CHFR: variants seen among roughly 807,000 people sequenced by gnomAD.
The protein encoded by CHFR is E3 ubiquitin-protein ligase CHFR.
In CHFR, 57 loss-of-function variants were observed where a neutral mutation model predicts 87.6. The ratio of observed to expected loss-of-function variants is 0.65; its 90% CI spans 0.53 to 0.81. The LOEUF is 0.81. CHFR is among the 30% of genes least tolerant of loss of function. CHFR has a pLI of 0.00. For synonymous variants in CHFR, 381 were observed against 359.2 expected, an observed-to-expected ratio of 1.06 and a Z score of -0.69; for missense variants, 797 against 865.8, an observed-to-expected ratio of 0.92 and a Z score of 1.00.
At chr12:132,845,522 C>A (rs981232624) in intron 15 of CHFR, among the ~76,000 whole-genome samples, 3 of 151,950 alleles carry the variant, frequency 2.0e-5, no homozygotes, top group Non-Finnish European at 4.4e-5. Flanking sequence ...TGGTAGCACA[C>A]GCTTGTGGTC....
intron 11 of CHFR, 133 bp downstream of exon 11, chr12:132,853,298 T>C: frequency 1.0e-6 from 1 of 965,284 alleles, no homozygotes; most frequent in Non-Finnish European, 1.4e-6. Flanking sequence ...GGGAGACCAA[T>C]GAGGCCAGGG....
Position 132,832,739 on chromosome 12 carries a change from G to C in CHFR, c.*8815C>G, listed in dbSNP as rs1012921600. The C allele has an allele frequency of 6.6e-6, 1 of 152,190 alleles. No homozygotes were observed. Among genetic ancestry groups the C allele is most frequent in the African/African-American group, 2.4e-5 (1 of 41,436 alleles). 9.4% of individuals were successfully genotyped at this position (152,190 alleles called of 1,614,324 possible). On this transcript the variant is annotated 3_prime_UTR_variant, in exon 18 of 18. Transcript: ENST00000450056. ...CAGTGTGGGAAAAATGCTAATCTAA[G>C]TAAAATTCTTAACAGCTTTAATACA...
At chr12:132,856,892 G>T (rs560248012) in intron 9 of CHFR, among the ~76,000 whole-genome samples, 147 of 149,178 alleles carry the variant, frequency 9.9e-4, no homozygotes, top group Non-Finnish European at 1.2e-4. Context: ...ACTTGCCTGG[G>T]TGCTGGTGGA....
intron 15 of CHFR, among the ~76,000 whole-genome samples, chr12:132,845,031 C>T (rs570979262): frequency 3.3e-5 from 5 of 152,074 alleles, no homozygotes; most frequent in Admixed American, 6.6e-5. Flanking sequence ...CCAAATTGCA[C>T]AGAGGAAAGG....
At chr12:132,872,146 A>C in intron 4 of CHFR, 139 bp downstream of exon 4, 2 of 648,076 alleles carry the variant, frequency 3.1e-6, no homozygotes, top group South Asian at 3.6e-5. Flanking sequence ...CACGGCAGGA[A>C]CCCATGTGAG....
At position 132,856,486 on chromosome 12, in the gene CHFR, C is replaced by T; in HGVS notation, c.1211G>A (p.Ser404Asn). ...GATTTACCTAATGTCTGAGGACTCACTGTCAACGTCTGACAGCTCCAGCAG... is the reference window on the plus strand; with the variant it reads ...GATTTACCTAATGTCTGAGGACTCATTGTCAACGTCTGACAGCTCCAGCAG... ...EDLLELSDVD[S>N]ESSDISQPYV... Residue 404 changes from serine (S) to asparagine (N), a missense_variant, in exon 10 of 18, where the codon AGT becomes AAT. Ser to Asn is a conservative substitution (Grantham distance 46). This residue lies in a region of CHFR where 597 missense variants were observed against 601.2 expected (regional missense o/e 0.99). Transcript: ENST00000450056. The T allele has an allele frequency of 1.2e-6, 2 of 1,614,160 alleles. No individual in the cohort carries two copies. The highest frequency in any genetic ancestry group is 1.7e-6 in the Non-Finnish European group (2 of 1,180,032).
At chr12:132,861,392 C>T (rs971585417) in intron 7 of CHFR, 75 bp downstream of exon 7, 41 of 1,463,040 alleles carry the variant, frequency 2.8e-5, no homozygotes, top group South Asian at 6.1e-5. Flanking sequence ...CCCCACAGCA[C>T]GGAGCATGGC....
rs950909071 is a variant in CHFR, at chr12:132,835,594, G to A, written c.*5960C>T. Reference sequence around the variant, plus strand: ...AGAGAAGATGACGTGAGAACTCAAGGAGATGCTGCCCACGAGCCAAGGAGA... The same window carrying A: ...AGAGAAGATGACGTGAGAACTCAAGAAGATGCTGCCCACGAGCCAAGGAGA... On this transcript the variant is annotated 3_prime_UTR_variant, in exon 18 of 18. Coordinates refer to ENST00000450056, the MANE Select transcript of CHFR (RefSeq NM_001161346.2). 1.1e-5 allele frequency: 2 copies of A among 178,870 alleles called. No homozygotes were observed. Among genetic ancestry groups the A allele is most frequent in the Non-Finnish European group, 2.4e-5 (2 of 83,498 alleles). 11.1% of individuals were successfully genotyped at this position (178,870 alleles called of 1,614,324 possible). A position where few individuals can be genotyped will look rare whatever the true frequency, so the allele number is the denominator to read the frequency against.
At chr12:132,886,723 C>T (rs535128850) in intron 2 of CHFR, among the ~76,000 whole-genome samples, 1 of 152,336 alleles carries the variant, frequency 6.6e-6, no homozygotes, top group South Asian at 2.1e-4. Flanking sequence ...AAATTTCCCT[C>T]TGAGTACTGC....
Position 132,847,149 on chromosome 12 carries a change from G to A in CHFR, c.1648-19C>T, listed in dbSNP as rs1345746041. On this transcript the variant is annotated intron_variant, in intron 14 of 17. Transcript: ENST00000450056. ...GGTAATTCTGTGACGCAAAAAAAGA[G>A]AGGAATAAGAAATACTCGTTTAGAG... 6.2e-7 allele frequency: 1 copy of A among 1,612,744 alleles called. No individual in the cohort carries two copies. The highest frequency in any genetic ancestry group is 1.1e-5 in the South Asian group (1 of 91,038).
intron 8 of CHFR, among the ~76,000 whole-genome samples, chr12:132,858,582 G>C (rs902754224): frequency 6.6e-6 from 1 of 151,346 alleles, no homozygotes; most frequent in African/African-American, 2.4e-5. Flanking sequence ...AAAAAAATTA[G>C]CCGGGCATGG....
At chr12:132,871,141 C>G (rs1951478408) in intron 4 of CHFR, among the ~76,000 whole-genome samples, 1 of 152,242 alleles carries the variant, frequency 6.6e-6, no homozygotes, top group African/African-American at 2.4e-5. Flanking sequence ...TTCTCCCTCA[C>G]CACTGTGGTC....
In CHFR at chr12:132,851,689, G is replaced by C. The variant is rs1396714833; in HGVS notation, c.1421C>G (p.Thr474Ser). The C allele has an allele frequency of 6.2e-7, 1 of 1,613,474 alleles. No homozygotes were observed. Among genetic ancestry groups the C allele is most frequent in the Non-Finnish European group, 8.5e-7 (1 of 1,179,952 alleles). ...CPLQGSHALC[T>S]CCFQPMPDRR... ...GTCGGGCATGGGCTGGAAGCAGCAG[G>C]TGCACAGGGCGTGGCTTCCTTGCAG... The change falls in exon 12 of 18, where the codon ACC becomes AGC. Residue 474 changes from threonine to serine, a missense_variant. Thr to Ser is a moderately conservative substitution (Grantham distance 58). Coordinates refer to ENST00000450056, the MANE Select transcript of CHFR (RefSeq NM_001161346.2).
intron 2 of CHFR, among the ~76,000 whole-genome samples, chr12:132,885,469 A>G (rs1004455244): frequency 7.9e-5 from 12 of 151,714 alleles, no homozygotes; most frequent in Admixed American, 3.9e-4. Flanking sequence ...TCTGTTGCTT[A>G]AGCCACCCAG....
In CHFR at chr12:132,844,834, T is replaced by C. The variant is rs532738902; in HGVS notation, c.1736-700A>G. ...TTTTAGTAGAGATGGGGTTTCACCA[T>C]GTTGGCCAGGCTGGTCTCAAACTCT... On this transcript the variant is annotated intron_variant, in intron 15 of 17. Transcript: ENST00000450056. Among the ~76,000 whole-genome samples, 13 of 151,176 alleles carry C rather than the reference T, an allele frequency of 8.6e-5. No individual in the cohort carries two copies. In the East Asian group the frequency reaches 2.2e-3, roughly 26 times the overall value.
chr12:132,869,842 C>A (rs1217639715), intron 5 of CHFR, 44 bp from the exon 6 acceptor site: 1 of 1,547,738 alleles, frequency 6.5e-7, no homozygotes, highest in Admixed American at 2.0e-5. Context: ...CTTCTGTAAC[C>A]CAAAAGGAGC....
intron 3 of CHFR, among the ~76,000 whole-genome samples, chr12:132,876,956 G>A (rs1436235036): frequency 1.3e-5 from 2 of 152,042 alleles, no homozygotes; most frequent in African/African-American, 2.4e-5. Flanking sequence ...CACAACGCCC[G>A]GCTAATTTTT....
intron 2 of CHFR, among the ~76,000 whole-genome samples, chr12:132,885,835 G>A (rs1951879538): frequency 6.6e-6 from 1 of 152,186 alleles, no homozygotes; most frequent in African/African-American, 2.4e-5. Flanking sequence ...TTTGTCTCTA[G>A]GGCCTCTGCT....
intron 5 of CHFR, among the ~76,000 whole-genome samples, chr12:132,870,357 A>G (rs1417786941): frequency 2.1e-5 from 3 of 145,630 alleles, no homozygotes; most frequent in East Asian, 2.0e-4. Flanking sequence ...ATCTCAAAAA[A>G]CAAACAAACA....
Sources: gnomAD v4.1 joint callset for allele counts (sites outside exome capture counted in the v4.1 genomes callset) on GRCh38, gnomAD v4.1.1 for gene constraint, gnomAD v4.1.1 regional missense constraint, MANE v1.5 for transcripts, NCBI Gene and HGNC (gene_info 2026-07-23, HGNC 2026-07-21) for gene names.